The following ERCC2 variants were observed in gnomAD, a reference collection of about 807,000 sequenced individuals.
The protein encoded by ERCC2 is ERCC excision repair 2, TFIIH core complex helicase subunit.
A neutral mutation model predicts 99.4 loss-of-function variants in ERCC2; 90 were observed. That is an observed-to-expected ratio of 0.91 (90% CI 0.76 to 1.08). ERCC2 has a LOEUF of 1.08. ERCC2 is among the 50% of genes least tolerant of loss of function. The pLI, the probability that ERCC2 is intolerant of heterozygous loss-of-function variation, is 0.00. For synonymous variants in ERCC2, 497 were observed against 432.4 expected (o/e 1.15, Z -1.85); for missense variants, 993 against 1,038.1 (o/e 0.96, Z 0.60).
At position 45,364,826 on chromosome 19, in the gene ERCC2, C is replaced by T; in HGVS notation, c.594+12G>A. ...ACACTCGCCCCTCTGCCCATCCCAC[C>T]AGCCTCCTCACTGAGTATCGAGCAA... On this transcript the variant is annotated intron_variant, in intron 7 of 22. Coordinates refer to ENST00000391945, the MANE Select transcript of ERCC2 (RefSeq NM_000400.4). The T allele has an allele frequency of 6.3e-7, 1 of 1,596,572 alleles. No individual in the cohort carries two copies. The highest frequency in any genetic ancestry group is 8.6e-7 in the Non-Finnish European group (1 of 1,164,144).
chr19:45,364,383 A>G, intron 8 of ERCC2, 41 bp downstream of exon 8: 1 of 1,613,822 alleles, frequency 6.2e-7, no homozygotes, highest in Non-Finnish European at 8.5e-7. Flanking sequence ...GGCCTCACTC[A>G]GAGGGGCTGG....
chr19:45,351,798 C>T, intron 22 of ERCC2, 77 bp from the exon 23 acceptor site: 3 of 1,301,240 alleles, frequency 2.3e-6, no homozygotes, highest in South Asian at 1.2e-5. Flanking sequence ...TCCCCAACCA[C>T]CCCCCCGAAT....
rs765453943 is a variant in ERCC2 at position 45,350,620 on chromosome 19, G to C, written c.*1009C>G. ...CTGCATGGGCCTGGGGGACTGAGCA[G>C]CATCCCCGGCCCCTCCCCAGGCCCT... On this transcript the variant is annotated 3_prime_UTR_variant, in exon 23 of 23. Coordinates refer to ENST00000391945, the MANE Select transcript of ERCC2 (RefSeq NM_000400.4). 3.7e-5 allele frequency: 59 copies of C among 1,613,048 alleles called. No homozygotes were observed. Among genetic ancestry groups the C allele is most frequent in the Non-Finnish European group, 4.8e-5 (57 of 1,179,266 alleles).
Position 45,370,205 on chromosome 19 carries a change from G to A in ERCC2, c.33C>T (p.Tyr11=), listed in dbSNP as rs781073712. 1.2e-6 allele frequency: 2 copies of A among 1,613,550 alleles called. No homozygotes were observed. The highest frequency in any genetic ancestry group is 1.7e-6 in the Non-Finnish European group (2 of 1,179,530). Residue 11 remains tyrosine, a synonymous_variant, in exon 2 of 23, where the codon TAC becomes TAT. Transcript: ENST00000391945. MKLNVDGLLV[Y]FPYDYIYPEQ... is the part of the protein sequence containing the mutation. ...CGGGGTAGATGTAGTCGTACGGGAA[G>A]TAGACCAGGAGCCCGTCCACGTTGA... is the stretch of plus-strand genomic sequence containing the variant.
In ERCC2 at chr19:45,351,319, A is replaced by T. The variant is rs545160779; in HGVS notation, c.*310T>A. 1 of 1,612,046 alleles carries T rather than the reference A, an allele frequency of 6.2e-7. No individual in the cohort carries two copies. Among genetic ancestry groups the T allele is most frequent in the African/African-American group, 1.3e-5 (1 of 74,930 alleles). ...CTGGCACCTGGACAAGGCCCCTCGGACCCTCAGCGCCAGCACCCAGGACCT... is the reference window on the plus strand; with the variant it reads ...CTGGCACCTGGACAAGGCCCCTCGGTCCCTCAGCGCCAGCACCCAGGACCT... On this transcript the variant is annotated 3_prime_UTR_variant, in exon 23 of 23. Coordinates refer to ENST00000391945, the MANE Select transcript of ERCC2 (RefSeq NM_000400.4).
In ERCC2 at chr19:45,350,847, C is replaced by CA; in HGVS notation, c.*781dup. ...TTGCTCAAGAACCTTCCATGGCTCC[C>CA]ATCTCCCCTGTGATACACACAGATC... On this transcript the variant is annotated 3_prime_UTR_variant, in exon 23 of 23. Coordinates refer to ENST00000391945, the MANE Select transcript of ERCC2 (RefSeq NM_000400.4). The CA allele has an allele frequency of 7.0e-7, 1 of 1,420,028 alleles. No individual in the cohort carries two copies. The highest frequency in any genetic ancestry group is 9.8e-7 in the Non-Finnish European group (1 of 1,016,014). 88.0% of individuals were successfully genotyped at this position (1,420,028 alleles called of 1,614,324 possible). A position where few individuals can be genotyped will look rare whatever the true frequency, so the allele number is the denominator to read the frequency against.
chr19:45,350,022 G>A lies in ERCC2; in HGVS notation c.*1607C>T, dbSNP rs932356858. On this transcript the variant is annotated 3_prime_UTR_variant, in exon 23 of 23. Transcript: ENST00000391945. ...ACAGCAGACAGGCTCAGAAACAGGAGGCTGCCTGTCCTCCATCCCCAGGGC... is the reference window on the plus strand; with the variant it reads ...ACAGCAGACAGGCTCAGAAACAGGAAGCTGCCTGTCCTCCATCCCCAGGGC... The A allele has an allele frequency of 2.2e-6, 1 of 448,050 alleles. No homozygotes were observed. Among genetic ancestry groups the A allele is most frequent in the Non-Finnish European group, 4.0e-6 (1 of 248,722 alleles). 27.8% of individuals were successfully genotyped at this position (448,050 alleles called of 1,614,324 possible).
chr19:45,355,592 C>G, intron 16 of ERCC2, 73 bp downstream of exon 16: 1 of 1,298,052 alleles, frequency 7.7e-7, no homozygotes, highest in Non-Finnish European at 1.1e-6. Flanking sequence ...GTTACAGCAG[C>G]ATGACTCAGC....
At position 45,350,752 on chromosome 19, in the gene ERCC2, G is replaced by T; in HGVS notation, c.*877C>A. 1 of 1,607,374 alleles carries T rather than the reference G, an allele frequency of 6.2e-7. No individual in the cohort carries two copies. The highest frequency in any genetic ancestry group is 8.5e-7 in the Non-Finnish European group (1 of 1,177,250). ...GGCGGCGGCAGGAGCAGCCGGGTGA[G>T]TGTTGATCAGGTCGGCAAAGAGCCC... On this transcript the variant is annotated 3_prime_UTR_variant, in exon 23 of 23. Coordinates refer to ENST00000391945, the MANE Select transcript of ERCC2 (RefSeq NM_000400.4).
intron 12 of ERCC2, chr19:45,358,763 TTTTCATGATAACTGTCAC>T: frequency 1.3e-6 from 1 of 762,500 alleles, no homozygotes; most frequent in Non-Finnish European, 2.4e-6. Context: ...AATGTATTTT[TTTTCATGATAACTGTCAC>T]TTTCTGGAAT....
chr19:45,350,943 CCT>C lies in ERCC2; in HGVS notation c.*684_*685del, dbSNP rs1971731082. ...GATTCACTCATTTCCTCCCTGCTGC[CCT>C]CTTTGCAGAATGAAGAGAGCCATGT... is the stretch of plus-strand genomic sequence containing the variant. On this transcript the variant is annotated 3_prime_UTR_variant, in exon 23 of 23. Transcript: ENST00000391945. 2 of 1,613,586 alleles carry C rather than the reference CCT, an allele frequency of 1.2e-6. No homozygotes were observed. Among genetic ancestry groups the C allele is most frequent in the East Asian group, 2.2e-5 (1 of 44,874 alleles).
In ERCC2 at chr19:45,365,041, C is replaced by A; in HGVS notation, c.477+1G>T. ...CTCCCTCAGCCCTGCCCTCCAGTAA[C>A]CTCATAGAATCGGCAGTGGGGCAGG... On this transcript the variant is annotated splice_donor_variant, in intron 6 of 22. Transcript: ENST00000391945. LOFTEE classifies it high-confidence loss of function. 1.2e-6 allele frequency: 2 copies of A among 1,613,464 alleles called. No homozygotes were observed. The highest frequency in any genetic ancestry group is 1.7e-6 in the Non-Finnish European group (2 of 1,179,394).
At position 45,352,269 on chromosome 19, in the gene ERCC2, C is replaced by T. The variant is rs999439847; in HGVS notation, c.2130G>A (p.Val710=). 2.5e-6 allele frequency: 4 copies of T among 1,614,114 alleles called. No homozygotes were observed. In the African/African-American group the frequency reaches 4.0e-5, roughly 16 times the overall value. ...HLTDANLNLT[V]DEGVQVAKYF... Reference sequence around the variant, plus strand: ...ACTTGGCCACCTGGACACCCTCGTCCACGGTCAGGTTGAGGTTGGCATCTG... The same window carrying T: ...ACTTGGCCACCTGGACACCCTCGTCTACGGTCAGGTTGAGGTTGGCATCTG... The change falls in exon 22 of 23, where the codon GTG becomes GTA. Residue 710 remains valine, a synonymous_variant. Transcript: ENST00000391945.
chr19:45,357,166 G>T, intron 15 of ERCC2, 104 bp downstream of exon 15: 1 of 792,278 alleles, frequency 1.3e-6, no homozygotes, highest in Non-Finnish European at 2.1e-6. Flanking sequence ...CAGCCTCTTC[G>T]CTGTAAAGCT....
intron 5 of ERCC2, among the ~76,000 whole-genome samples, chr19:45,367,478 TGTAAA>T (rs1238742221): frequency 1.3e-5 from 2 of 151,886 alleles, no homozygotes; most frequent in Non-Finnish European, 2.9e-5. Flanking sequence ...GGTTACCACA[TGTAAA>T]GTATTCAGAA....
chr19:45,357,882 C>G, intron 12 of ERCC2, 183 bp from the exon 13 acceptor site: 1 of 650,180 alleles, frequency 1.5e-6, no homozygotes, highest in South Asian at 1.7e-5. Context: ...AAAATACACC[C>G]CAACCTGTCC....
chr19:45,360,052 G>A (rs1412892891), intron 12 of ERCC2, among the ~76,000 whole-genome samples: 1 of 150,708 alleles, frequency 6.6e-6, no homozygotes, highest in African/African-American at 2.4e-5. Flanking sequence ...TGGGATTACA[G>A]ACATGAGCCA....
rs745487119 is a variant in ERCC2 at position 45,354,903 on chromosome 19, CTCTG to C, written c.1544-56_1544-53del. 1.4e-5 allele frequency: 23 copies of C among 1,612,158 alleles called. No homozygotes were observed. In the African/African-American group the frequency reaches 2.7e-4, roughly 19 times the overall value. On this transcript the variant is annotated intron_variant, in intron 16 of 22. Transcript: ENST00000391945. ...CTCCTGGCCCAGGTCCTCCTCCCTT[CTCTG>C]TCTTAGAACTAGGAGTTTCTGGAAA...
intron 12 of ERCC2, among the ~76,000 whole-genome samples, chr19:45,360,281 AC>A (rs1187175818): frequency 1.3e-4 from 20 of 151,044 alleles, no homozygotes; most frequent in East Asian, 3.9e-4. Flanking sequence ...ACGGAGTTTC[AC>A]CATGTTAGCC....
Sources: gnomAD v4.1 joint callset for allele counts (sites outside exome capture counted in the v4.1 genomes callset) on GRCh38, gnomAD v4.1.1 for gene constraint, MANE v1.5 for transcripts, NCBI Gene and HGNC (gene_info 2026-07-23, HGNC 2026-07-21) for gene names.